DMD: variants seen among roughly 807,000 people sequenced by gnomAD.
DMD encodes the protein mutant dystrophin.
Under a neutral mutation model 330.1 loss-of-function variants are expected in DMD, and 63 were observed. The ratio of observed to expected loss-of-function variants is 0.19; its 90% CI spans 0.16 to 0.24. The LOEUF is 0.24. Ranked by LOEUF, DMD falls within the 10% of genes least tolerant of loss-of-function variation. The pLI, the probability that DMD is intolerant of heterozygous loss-of-function variation, is 1.00. For missense variants in DMD, 3,344 were observed against 2,684.1 expected (o/e 1.25, Z -5.43); for synonymous variants, 1,223 against 959.8 (o/e 1.27, Z -5.07).
intron 17 of DMD, among the ~76,000 whole-genome samples, chrX:32,534,523 A>C (rs1409698336): frequency 9.0e-6 from 1 of 111,346 alleles, no homozygotes; most frequent in Non-Finnish European, 1.9e-5. Context: ...AGACCTCCCC[A>C]GAAGCAGACG....
chrX:31,996,294 T>C (rs1000431135), intron 44 of DMD, among the ~76,000 whole-genome samples: 1 of 111,869 alleles, frequency 8.9e-6, no homozygotes, highest in Non-Finnish European at 1.9e-5. Flanking sequence ...GTAATCATAG[T>C]GAATATGAGG....
At chrX:32,239,844 C>T in intron 43 of DMD, among the ~76,000 whole-genome samples, 1 of 111,489 alleles carries the variant, frequency 9.0e-6, no homozygotes, top group South Asian at 3.8e-4. Flanking sequence ...TCGGAAATAC[C>T]ACCTTCTATA....
chrX:33,003,255 T>C (rs2093328090), intron 2 of DMD, among the ~76,000 whole-genome samples: 1 of 111,855 alleles, frequency 8.9e-6, no homozygotes, highest in Non-Finnish European at 1.9e-5. Flanking sequence ...TGTTTGGTTT[T>C]CCATTCCTGA....
chrX:31,957,329 G>A (rs1434474298), intron 45 of DMD, among the ~76,000 whole-genome samples: 2 of 112,077 alleles, frequency 1.8e-5, no homozygotes, highest in African/African-American at 6.5e-5. Flanking sequence ...GACAAGTACA[G>A]TGGAATGAAT....
intron 1 of DMD, among the ~76,000 whole-genome samples, chrX:33,291,545 TAA>T (rs974490796): frequency 3.6e-5 from 4 of 111,728 alleles, no homozygotes; most frequent in Non-Finnish European, 5.7e-5. Flanking sequence ...TGTCTTGAAT[TAA>T]AAAGTCTTTT....
chrX:32,885,460 T>C (rs1207247454), intron 2 of DMD, among the ~76,000 whole-genome samples: 1 of 111,789 alleles, frequency 8.9e-6, no homozygotes, highest in Non-Finnish European at 1.9e-5. Context: ...TTCATAAATA[T>C]TAAGCTTCCC....
At chrX:33,163,909 C>T (rs917852260) in intron 1 of DMD, among the ~76,000 whole-genome samples, 240 of 110,964 alleles carry the variant, frequency 2.2e-3, no homozygotes, top group Middle Eastern at 0.014. Context: ...GTTGTGAATT[C>T]TTTTTTATTG....
At chrX:32,356,508 G>A (rs2097801384) in intron 37 of DMD, among the ~76,000 whole-genome samples, 1 of 107,995 alleles carries the variant, frequency 9.3e-6, no homozygotes, top group Non-Finnish European at 1.9e-5. Context: ...CATATATATA[G>A]AAACTGCTAC....
At chrX:32,019,065 C>T (rs921619681) in intron 44 of DMD, among the ~76,000 whole-genome samples, 1 of 110,111 alleles carries the variant, frequency 9.1e-6, no homozygotes, top group Non-Finnish European at 1.9e-5. Flanking sequence ...GCTGTATTAA[C>T]TTTGTTTTTC....
chrX:31,492,694 C>T (rs2069419860), intron 57 of DMD, among the ~76,000 whole-genome samples: 1 of 111,260 alleles, frequency 9.0e-6, no homozygotes, highest in South Asian at 3.8e-4. Flanking sequence ...ACTGTGAAGC[C>T]ATAAAAAAGG....
chrX:33,243,117 C>A (rs1436181737), intron 1 of DMD, among the ~76,000 whole-genome samples: 1 of 111,776 alleles, frequency 8.9e-6, no homozygotes, highest in African/African-American at 3.3e-5. Context: ...TAGGCCCCAG[C>A]TATTTATCTT....
chrX:32,749,879 A>T (rs1000049002), intron 7 of DMD, among the ~76,000 whole-genome samples: 1 of 112,750 alleles, frequency 8.9e-6, no homozygotes, highest in Admixed American at 9.4e-5. Context: ...ATAGCAAAAA[A>T]GATTTGATGT....
chrX:31,477,845 C>A (rs181074526), intron 59 of DMD, among the ~76,000 whole-genome samples: 1 of 110,666 alleles, frequency 9.0e-6, no homozygotes, highest in African/African-American at 3.3e-5. Flanking sequence ...GACTTTAGTA[C>A]AATCACTTAA....
At chrX:31,334,019 G>T (rs1396657504) in intron 61 of DMD, among the ~76,000 whole-genome samples, 1 of 109,716 alleles carries the variant, frequency 9.1e-6, no homozygotes. Flanking sequence ...TGCAACCTCC[G>T]CCTCCTGGGT....
chrX:31,965,827 T>G (rs1320373027), intron 45 of DMD, among the ~76,000 whole-genome samples: 1 of 112,233 alleles, frequency 8.9e-6, no homozygotes, highest in Non-Finnish European at 1.9e-5. Context: ...GTGAATTGTC[T>G]ATCTTAAACT....
At chrX:33,272,460 G>T (rs113758439) in intron 1 of DMD, among the ~76,000 whole-genome samples, 1 of 111,624 alleles carries the variant, frequency 9.0e-6, no homozygotes, top group African/African-American at 3.3e-5. Context: ...CAAAAAGGAC[G>T]AAAGAAGAAT....
At chrX:31,562,888 T>C (rs1405418297) in intron 55 of DMD, among the ~76,000 whole-genome samples, 1 of 111,977 alleles carries the variant, frequency 8.9e-6, no homozygotes, top group African/African-American at 3.2e-5. Flanking sequence ...TTTAAAACTT[T>C]AATGCATTTG....
At chrX:32,734,981 GT>G (rs1327689427) in intron 7 of DMD, among the ~76,000 whole-genome samples, 1 of 110,791 alleles carries the variant, frequency 9.0e-6, no homozygotes, top group Non-Finnish European at 1.9e-5. Flanking sequence ...AATTGACCCT[GT>G]TTGCAGATGA....
At chrX:31,840,450 CAT>C (rs1362566902) in intron 48 of DMD, among the ~76,000 whole-genome samples, 2 of 109,375 alleles carry the variant, frequency 1.8e-5, no homozygotes, top group Non-Finnish European at 3.8e-5. Context: ...ATATAATACA[CAT>C]ACACATATGT....
Sources: gnomAD v4.1 joint callset for allele counts (sites outside exome capture counted in the v4.1 genomes callset) on GRCh38, gnomAD v4.1.1 for gene constraint, MANE v1.5 for transcripts, NCBI Gene and HGNC (gene_info 2026-07-23, HGNC 2026-07-21) for gene names.